Variants in TDRD12 observed in about 807,000 individuals in gnomAD.
TDRD12 encodes tudor domain containing 12.
In TDRD12, 158 loss-of-function variants were observed where a neutral mutation model predicts 133.5. The observed-to-expected ratio is 1.18, with a 90% CI of 1.04 to 1.35. The LOEUF is 1.35. Ranked by LOEUF, TDRD12 falls within the 40% of genes most tolerant of loss-of-function variation. TDRD12 has a pLI of 0.00. For missense variants in TDRD12, 1,443 were observed against 1,321.3 expected, an observed-to-expected ratio of 1.09 and a Z score of -1.43; for synonymous variants, 460 against 477.9, an observed-to-expected ratio of 0.96 and a Z score of 0.49.
intron 1 of TDRD12, 98 bp from the exon 2 acceptor site, chr19:32,731,627 C>CACTTAATTTAGAA (rs1969057168): frequency 8.9e-7 from 1 of 1,119,488 alleles, no homozygotes; most frequent in Non-Finnish European, 1.2e-6. Context: ...TTTGTTAGGT[C>CACTTAATTTAGAA]ACTTAAATTA....
intron 16 of TDRD12, among the ~76,000 whole-genome samples, chr19:32,798,907 C>T (rs767107657): frequency 5.3e-5 from 8 of 152,206 alleles, no homozygotes; most frequent in Non-Finnish European, 1.0e-4. Context: ...GGCGCAGCAG[C>T]GTAAGGGCCA....
At chr19:32,729,150 G>A (rs1968957707) in intron 1 of TDRD12, among the ~76,000 whole-genome samples, 1 of 143,994 alleles carries the variant, frequency 6.9e-6, no homozygotes, top group African/African-American at 2.6e-5. Context: ...GTCCTCGCCT[G>A]TTAATTCCAA....
intron 3 of TDRD12, among the ~76,000 whole-genome samples, chr19:32,740,641 C>A (rs1339184672): frequency 2.0e-5 from 3 of 152,210 alleles, no homozygotes; most frequent in African/African-American, 7.2e-5. Context: ...TCCTGCCTGT[C>A]CTCAGTTTCC....
chr19:32,731,576 A>G, intron 1 of TDRD12, 149 bp from the exon 2 acceptor site: 4 of 675,290 alleles, frequency 5.9e-6, no homozygotes, highest in Non-Finnish European at 9.5e-6. Context: ...TTAGAATTTT[A>G]TCTTCGGTCT....
exon 10 of TDRD12, chr19:32,828,554 C>T (rs556649352): frequency 2.6e-5 from 4 of 152,142 alleles, no homozygotes; most frequent in South Asian, 2.1e-4. Flanking sequence ...AGCTTTGCCT[C>T]GGAATGGAAA....
intron 1 of TDRD12, among the ~76,000 whole-genome samples, chr19:32,725,434 G>A (rs1203920090): frequency 6.6e-6 from 1 of 151,942 alleles, no homozygotes; most frequent in Non-Finnish European, 1.5e-5. Flanking sequence ...TCTGCATACG[G>A]CTAGCCAGTT....
intron 9 of TDRD12, 133 bp downstream of exon 32, chr19:32,826,882 CTT>C (rs915733127): frequency 7.0e-6 from 4 of 570,362 alleles, no homozygotes; most frequent in African/African-American, 5.8e-5. Flanking sequence ...TCAGTTTTCT[CTT>C]TGTTTATCTT....
At chr19:32,777,868 T>A (rs1290018819) in intron 11 of TDRD12, among the ~76,000 whole-genome samples, 1 of 74,568 alleles carries the variant, frequency 1.3e-5, no homozygotes, top group African/African-American at 4.5e-5. Context: ...TTTTTTTTTT[T>A]TTTTTTTTTT....
chr19:32,720,088 G>A lies in TDRD12; in HGVS notation c.16G>A (p.Val6Met), dbSNP rs918050973. 7.1e-6 allele frequency: 11 copies of A among 1,548,118 alleles called. No individual in the cohort carries two copies. In the East Asian group the frequency reaches 7.3e-5, roughly 10 times the overall value. ...CGCCAGGAGGATGCTCCAGCTCCTG[G>A]TGCTGAAGGTGAGCGCCGCCAAGCC... Residue 6 changes from valine (V) to methionine (M), a missense_variant, in exon 1 of 28, where the codon GTG (valine) becomes ATG (methionine). Transcript: ENST00000444215.
At chr19:32,773,581 C>T (rs1223931221) in intron 10 of TDRD12, 49 bp downstream of exon 10, 2 of 1,507,608 alleles carry the variant, frequency 1.3e-6, no homozygotes, top group Admixed American at 2.0e-5. Flanking sequence ...GCCTGTAGTC[C>T]CAGCTACTGG....
At chr19:32,794,542 C>T (rs1568482285) in intron 13 of TDRD12, 86 bp from the exon 14 acceptor site, 2 of 643,000 alleles carry the variant, frequency 3.1e-6, no homozygotes, top group East Asian at 5.4e-5. Flanking sequence ...ATGTGTAGTG[C>T]TTTTTGGGGT....
At chr19:32,804,810 C>T (rs926541595) in intron 21 of TDRD12, among the ~76,000 whole-genome samples, 17 of 151,760 alleles carry the variant, frequency 1.1e-4, no homozygotes, top group Non-Finnish European at 2.2e-4. Flanking sequence ...AAGCCAAGTT[C>T]GCGCCACTGC....
chr19:32,737,130 C>T (rs898557039), intron 2 of TDRD12, among the ~76,000 whole-genome samples: 1 of 152,184 alleles, frequency 6.6e-6, no homozygotes, highest in Non-Finnish European at 1.5e-5. Flanking sequence ...TAGTTTCACA[C>T]CATCATAATG....
At chr19:32,814,064 A>G (rs1001651419) in intron 25 of TDRD12, among the ~76,000 whole-genome samples, 7 of 152,214 alleles carry the variant, frequency 4.6e-5, no homozygotes, top group East Asian at 1.9e-4. Flanking sequence ...TGAGGACTCC[A>G]TGCTACATTC....
At chr19:32,741,226 C>T (rs1483326195) in intron 3 of TDRD12, among the ~76,000 whole-genome samples, 4 of 152,286 alleles carry the variant, frequency 2.6e-5, no homozygotes, top group Admixed American at 2.0e-4. Flanking sequence ...GGACTACAGG[C>T]GTGTGCCACC....
intron 17 of TDRD12, 102 bp downstream of exon 17, chr19:32,800,460 A>AT (rs1463363966): frequency 9.7e-7 from 1 of 1,026,866 alleles, no homozygotes; most frequent in Non-Finnish European, 1.4e-6. Context: ...ATGGCTTAGT[A>AT]TTAAACAATT....
At chr19:32,748,415 G>A in intron 4 of TDRD12, 61 bp from the exon 5 acceptor site, 2 of 1,486,390 alleles carry the variant, frequency 1.3e-6, no homozygotes, top group Non-Finnish European at 1.8e-6. Flanking sequence ...TTTACAAAAT[G>A]CTGTTGGTGT....
chr19:32,762,083 A>G (rs920688317), intron 8 of TDRD12, among the ~76,000 whole-genome samples: 4 of 152,156 alleles, frequency 2.6e-5, no homozygotes, highest in African/African-American at 7.2e-5. Context: ...CATTTTGGAT[A>G]ACAATCCTTT....
At chr19:32,803,482 A>G (rs1971458914) in intron 21 of TDRD12, among the ~76,000 whole-genome samples, 1 of 152,148 alleles carries the variant, frequency 6.6e-6, no homozygotes, top group Non-Finnish European at 1.5e-5. Flanking sequence ...GTATGGCTGT[A>G]TCACAGTGTG....
Sources: gnomAD v4.1 joint callset for allele counts (sites outside exome capture counted in the v4.1 genomes callset) on GRCh38, gnomAD v4.1.1 for gene constraint, MANE v1.5 for transcripts, NCBI Gene and HGNC (gene_info 2026-07-23, HGNC 2026-07-21) for gene names.